KCTD8: variants seen among roughly 807,000 people sequenced by gnomAD.
KCTD8 encodes potassium channel tetramerization domain containing 8.
KCTD8 carries 27 observed loss-of-function variants against 31.5 expected under a neutral mutation model. The ratio of observed to expected loss-of-function variants is 0.86; its 90% CI spans 0.63 to 1.18. The LOEUF (loss-of-function observed/expected upper bound fraction) is 1.18, where lower values mean the gene tolerates loss of function less well. Ranked by LOEUF, KCTD8 falls within the 50% of genes most tolerant of loss-of-function variation. KCTD8 has a pLI of 0.00. For missense variants in KCTD8, 658 were observed against 647.7 expected (o/e 1.02, Z -0.17); for synonymous variants, 290 against 280.0 (o/e 1.04, Z -0.36).
rs570713035 is a variant in KCTD8 at position 44,347,446 on chromosome 4, T to G, written c.961+100117A>C. On this transcript the variant is annotated intron_variant, in intron 1 of 1. Transcript: ENST00000360029. ...CATCCTTGAAGAAACCAAGAGCCAA[T>G]GGCTACTGGTCAGTGGGGACTTTCC... is the stretch of plus-strand genomic sequence containing the variant. Among the ~76,000 whole-genome samples the G allele has an allele frequency of 1.2e-3, 177 of 152,294 alleles. 1 individual carries two copies. Among genetic ancestry groups the G allele is most frequent in the African/African-American group, 4.1e-3 (170 of 41,568 alleles).
intron 1 of KCTD8, among the ~76,000 whole-genome samples, chr4:44,204,505 C>T (rs1025530601): frequency 6.6e-6 from 1 of 152,068 alleles, no homozygotes; most frequent in Non-Finnish European, 1.5e-5. Context: ...GTCATGTACC[C>T]CCTGCTTCCT....
At chr4:44,261,854 C>T (rs192515444) in intron 1 of KCTD8, among the ~76,000 whole-genome samples, 2 of 151,910 alleles carry the variant, frequency 1.3e-5, no homozygotes, top group Non-Finnish European at 2.9e-5. Context: ...AATGTGGTGA[C>T]CATTTCACAA....
chr4:44,190,887 TA>T (rs1713745366), intron 1 of KCTD8, among the ~76,000 whole-genome samples: 1 of 152,208 alleles, frequency 6.6e-6, no homozygotes, highest in Non-Finnish European at 1.5e-5. Context: ...AAATTTATCT[TA>T]TAAATGTAGG....
chr4:44,402,769 G>A (rs967630955), intron 1 of KCTD8, among the ~76,000 whole-genome samples: 13 of 152,290 alleles, frequency 8.5e-5, no homozygotes, highest in African/African-American at 3.1e-4. Flanking sequence ...AGCATTTCAG[G>A]AATCTGGCTA....
intron 1 of KCTD8, among the ~76,000 whole-genome samples, chr4:44,352,653 T>C (rs1719233138): frequency 6.6e-6 from 1 of 151,106 alleles, no homozygotes; most frequent in African/African-American, 2.4e-5. Flanking sequence ...CATTGAAATA[T>C]GAGAAAAGAA....
chr4:44,336,418 A>G (rs1387953), intron 1 of KCTD8, among the ~76,000 whole-genome samples: 66,568 of 151,468 alleles, frequency 0.44, 14,872 homozygotes, highest in Middle Eastern at 0.59. Flanking sequence ...TCAAGAATAA[A>G]TTATCTCTTT....
chr4:44,220,442 T>A (rs577626201), intron 1 of KCTD8, among the ~76,000 whole-genome samples: 3 of 152,326 alleles, frequency 2.0e-5, no homozygotes, highest in South Asian at 4.1e-4. Flanking sequence ...AGGAACACCA[T>A]CCTCTAAATC....
At position 44,284,906 on chromosome 4, in the gene KCTD8, C is replaced by G. The variant is rs192400247; in HGVS notation, c.962-109656G>C. ...TCACTGGTCATTAGAGAAATGCAAA[C>G]CAAAACCACAATGAGATACCATCTC... On this transcript the variant is annotated intron_variant, in intron 1 of 1. Coordinates refer to ENST00000360029, the MANE Select transcript of KCTD8 (RefSeq NM_198353.3). Among the ~76,000 whole-genome samples, 816 of 152,028 alleles carry G rather than the reference C, an allele frequency of 5.4e-3. 12 individuals are homozygous for G. The highest frequency in any genetic ancestry group is 0.018 in the African/African-American group (759 of 41,486).
At chr4:44,238,199 C>G (rs576371991) in intron 1 of KCTD8, among the ~76,000 whole-genome samples, 6 of 151,944 alleles carry the variant, frequency 3.9e-5, no homozygotes, top group Admixed American at 6.6e-5. Flanking sequence ...GTTCTCCCCG[C>G]CCTACACTAG....
intron 1 of KCTD8, among the ~76,000 whole-genome samples, chr4:44,265,874 C>T (rs1303897178): frequency 1.3e-5 from 2 of 152,050 alleles, no homozygotes; most frequent in Non-Finnish European, 2.9e-5. Flanking sequence ...ACAAAGCCTC[C>T]AAGAAATATG....
chr4:44,234,380 C>T (rs1715212664), intron 1 of KCTD8, among the ~76,000 whole-genome samples: 1 of 152,194 alleles, frequency 6.6e-6, no homozygotes, highest in Non-Finnish European at 1.5e-5. Context: ...CAGATGAAGT[C>T]ATAAAAGCTG....
At chr4:44,438,179 A>T (rs1721722972) in intron 1 of KCTD8, among the ~76,000 whole-genome samples, 1 of 152,140 alleles carries the variant, frequency 6.6e-6, no homozygotes, top group Admixed American at 6.6e-5. Flanking sequence ...TTCTTCAAAT[A>T]CCTGGACTTT....
chr4:44,427,252 A>G (rs1721371234), intron 1 of KCTD8, among the ~76,000 whole-genome samples: 1 of 151,478 alleles, frequency 6.6e-6, no homozygotes, highest in Non-Finnish European at 1.5e-5. Flanking sequence ...GTCCTTTTAC[A>G]GTAAAATTAT....
At chr4:44,199,396 T>C (rs1714061792) in intron 1 of KCTD8, among the ~76,000 whole-genome samples, 1 of 152,020 alleles carries the variant, frequency 6.6e-6, no homozygotes, top group South Asian at 2.1e-4. Context: ...ATCAACCACA[T>C]GTTCGGCCAT....
intron 1 of KCTD8, among the ~76,000 whole-genome samples, chr4:44,282,590 G>A (rs1716931724): frequency 6.6e-6 from 1 of 152,086 alleles, no homozygotes; most frequent in African/African-American, 2.4e-5. Context: ...GGTGAGACAG[G>A]CCAAAATCTG....
intron 1 of KCTD8, among the ~76,000 whole-genome samples, chr4:44,313,081 C>T (rs907299999): frequency 1.3e-5 from 2 of 152,124 alleles, no homozygotes; most frequent in Non-Finnish European, 2.9e-5. Context: ...TTTCCTGGAA[C>T]AAATTTCCTT....
intron 1 of KCTD8, among the ~76,000 whole-genome samples, chr4:44,330,494 T>C (rs372356294): frequency 4.2e-4 from 64 of 152,060 alleles, no homozygotes; most frequent in African/African-American, 1.3e-3. Context: ...TCCCAAATGT[T>C]AGCTATTTTG....
At chr4:44,431,292 C>A (rs6854717) in intron 1 of KCTD8, among the ~76,000 whole-genome samples, 1 of 151,258 alleles carries the variant, frequency 6.6e-6, no homozygotes, top group Non-Finnish European at 1.5e-5. Flanking sequence ...CTCCTATCCA[C>A]CCCTTTTCCC....
At chr4:44,371,028 A>G (rs1409306292) in intron 1 of KCTD8, among the ~76,000 whole-genome samples, 1 of 152,064 alleles carries the variant, frequency 6.6e-6, no homozygotes, top group Admixed American at 6.6e-5. Context: ...CAGTGGTGAA[A>G]TTCAGACTGA....
Sources: allele counts gnomAD v4.1 joint callset (sites outside exome capture counted in the v4.1 genomes callset), GRCh38; gene constraint gnomAD v4.1.1; transcripts MANE v1.5; gene names NCBI Gene and HGNC (gene_info 2026-07-23, HGNC 2026-07-21).